The following VEPH1 variants were observed in gnomAD, a reference collection of about 807,000 sequenced individuals.
VEPH1 encodes ventricular zone-expressed PH domain-containing protein homolog 1.
Under a neutral mutation model 85.2 loss-of-function variants are expected in VEPH1, and 80 were observed. The ratio of observed to expected loss-of-function variants is 0.94; its 90% CI spans 0.78 to 1.13. The LOEUF (loss-of-function observed/expected upper bound fraction) is 1.13, where lower values mean the gene tolerates loss of function less well. Ranked by LOEUF, VEPH1 falls within the 50% of genes most tolerant of loss-of-function variation. VEPH1 has a pLI of 0.00. For synonymous variants in VEPH1, 297 were observed against 348.0 expected (o/e 0.85, Z 1.63); for missense variants, 955 against 980.5 (o/e 0.97, Z 0.35).
chr3:157,348,093 AG>A (rs1724442273), intron 9 of VEPH1, among the ~76,000 whole-genome samples: 1 of 152,176 alleles, frequency 6.6e-6, no homozygotes, highest in Non-Finnish European at 1.5e-5. Context: ...CTTGCGTAGC[AG>A]GGAAACCACC....
chr3:157,304,024 T>TATATATATATATATATATATATATAG (rs1719162760), intron 11 of VEPH1, among the ~76,000 whole-genome samples: 1 of 71,318 alleles, frequency 1.4e-5, no homozygotes, highest in African/African-American at 8.2e-5. Context: ...TTATATTTTT[T>TATATATATATATATATATATATATAG]ATATATATAT....
At chr3:157,395,219 T>A (rs1353538591) in intron 6 of VEPH1, among the ~76,000 whole-genome samples, 1 of 152,188 alleles carries the variant, frequency 6.6e-6, no homozygotes, top group Non-Finnish European at 1.5e-5. Context: ...AAGAATTGCA[T>A]GTAGGAAAGG....
intron 9 of VEPH1, among the ~76,000 whole-genome samples, chr3:157,361,207 T>C (rs1433168300): frequency 6.6e-6 from 1 of 152,246 alleles, no homozygotes; most frequent in Non-Finnish European, 1.5e-5. Flanking sequence ...CTAATACTTA[T>C]ATTTGAATAT....
chr3:157,470,893 A>G lies in VEPH1; in HGVS notation c.139-364T>C, dbSNP rs563304544. The stretch of plus-strand genomic sequence containing the variant: ...CTCTGACATTTCAGCAACTTTTGTG[A>G]AATGTTTCAAATTACCCTTCAATTT... On this transcript the variant is annotated intron_variant, in intron 2 of 13. Transcript: ENST00000362010. Among the ~76,000 whole-genome samples the G allele has an allele frequency of 3.9e-5, 6 of 152,308 alleles. No individual in the cohort carries two copies. The South Asian group carries it at 1.2e-3, about 32-fold the overall frequency.
At chr3:157,383,268 T>C (rs1728959198) in intron 6 of VEPH1, among the ~76,000 whole-genome samples, 1 of 152,246 alleles carries the variant, frequency 6.6e-6, no homozygotes, top group Admixed American at 6.5e-5. Context: ...ATGCCCTTGC[T>C]TTTAAAGAAC....
chr3:157,323,572 G>T (rs1273606933), intron 9 of VEPH1, among the ~76,000 whole-genome samples: 2 of 152,160 alleles, frequency 1.3e-5, no homozygotes, highest in East Asian at 3.8e-4. Flanking sequence ...GCATATGTGT[G>T]GGACGTCCCT....
chr3:157,482,898 G>A (rs923328242), intron 2 of VEPH1, among the ~76,000 whole-genome samples: 4 of 152,052 alleles, frequency 2.6e-5, no homozygotes, highest in African/African-American at 9.7e-5. Flanking sequence ...GGTGGTATCT[G>A]CAGTGTTTTC....
At chr3:157,469,624 T>C (rs894852199) in intron 3 of VEPH1, among the ~76,000 whole-genome samples, 2 of 152,238 alleles carry the variant, frequency 1.3e-5, no homozygotes, top group African/African-American at 4.8e-5. Context: ...CCAACTTATT[T>C]CATCACAAAG....
rs1560079351 is a variant in VEPH1 at position 157,460,241 on chromosome 3, T to C, written c.469A>G (p.Ile157Val). The change falls in exon 4 of 14, where the codon ATT becomes GTT. Residue 157 changes from isoleucine to valine, a missense_variant. Ile to Val is a conservative substitution (Grantham distance 29). Transcript: ENST00000362010. ...NMSNYLSLAA[I>V]TKADLLADHT... ...TCAGCCAGGAGATCTGCCTTGGTAA[T>C]TGCAGCCAGAGACAGGTAGTTAGAC... 1.2e-6 allele frequency: 2 copies of C among 1,614,210 alleles called. No homozygotes were observed. Among genetic ancestry groups the C allele is most frequent in the South Asian group, 1.1e-5 (1 of 91,086 alleles).
rs577479720 is a variant in VEPH1, at chr3:157,435,101, G to A, written c.530-6613C>T. On this transcript the variant is annotated intron_variant, in intron 4 of 13. Transcript: ENST00000362010. The stretch of plus-strand genomic sequence containing the variant: ...TTTTTAATTCTAGAAGTTTTATTTG[G>A]TTCTTTAAAAAAAATCACCTAGCCT... Among the ~76,000 whole-genome samples, 486 of 149,122 alleles carry A rather than the reference G, an allele frequency of 3.3e-3. 3 individuals are homozygous for A. Among genetic ancestry groups the A allele is most frequent in the African/African-American group, 0.011 (451 of 40,412 alleles).
intron 6 of VEPH1, among the ~76,000 whole-genome samples, chr3:157,409,067 TTTG>T (rs1029373540): frequency 1.3e-5 from 2 of 152,124 alleles, no homozygotes; most frequent in South Asian, 4.1e-4. Flanking sequence ...CTGCTGTTAC[TTTG>T]TTGTTGTTAG....
chr3:157,301,942 C>A (rs1222256450), intron 11 of VEPH1, among the ~76,000 whole-genome samples: 2 of 152,152 alleles, frequency 1.3e-5, no homozygotes, highest in Admixed American at 6.5e-5. Flanking sequence ...TCCACTGGGA[C>A]ATCTGGCAGG....
At chr3:157,501,446 G>A (rs1740088724) in intron 1 of VEPH1, among the ~76,000 whole-genome samples, 1 of 152,170 alleles carries the variant, frequency 6.6e-6, no homozygotes, top group South Asian at 2.1e-4. Flanking sequence ...GTTTTCCATG[G>A]AAGTGTAGCA....
At chr3:157,338,983 A>G (rs1723239024) in intron 9 of VEPH1, among the ~76,000 whole-genome samples, 1 of 152,200 alleles carries the variant, frequency 6.6e-6, no homozygotes, top group Admixed American at 6.5e-5. Flanking sequence ...CTACAGTGAT[A>G]TTGCAAGGAT....
intron 2 of VEPH1, among the ~76,000 whole-genome samples, chr3:157,480,057 TTTTC>T (rs1212957213): frequency 9.0e-5 from 13 of 144,002 alleles, no homozygotes; most frequent in African/African-American, 2.9e-4. Context: ...TTTCTTTCCT[TTTTC>T]TTTCTTTCCT....
chr3:157,372,359 G>A (rs1727603512), intron 7 of VEPH1, among the ~76,000 whole-genome samples: 1 of 152,214 alleles, frequency 6.6e-6, no homozygotes, highest in African/African-American at 2.4e-5. Flanking sequence ...AAAATTCTGT[G>A]ATTCAATTCC....
chr3:157,405,691 A>G (rs1026085647), intron 6 of VEPH1, among the ~76,000 whole-genome samples: 1 of 152,106 alleles, frequency 6.6e-6, no homozygotes, highest in African/African-American at 2.4e-5. Context: ...ACATAACCCT[A>G]TCATCTTACA....
rs1340729912 is a variant in VEPH1 at position 157,269,644 on chromosome 3, T to TG, written c.2129-3983_2129-3982insC. On this transcript the variant is annotated intron_variant, in intron 12 of 13. Coordinates refer to ENST00000362010, the MANE Select transcript of VEPH1 (RefSeq NM_001167912.2). Reference sequence around the variant, plus strand: ...TGTTTTTTGTTTTTGTTTTTGTTGTTTTTTTTTTTTTTTTTTGCTATTACA... The same window carrying TG: ...TGTTTTTTGTTTTTGTTTTTGTTGTTGTTTTTTTTTTTTTTTTGCTATTACA... Among the ~76,000 whole-genome samples, 351 of 117,252 alleles carry TG rather than the reference T, an allele frequency of 3.0e-3. 2 individuals are homozygous for TG. Among genetic ancestry groups the TG allele is most frequent in the African/African-American group, 0.011 (281 of 24,452 alleles). 76.9% of individuals were successfully genotyped at this position (117,252 alleles called of 152,430 possible).
intron 4 of VEPH1, among the ~76,000 whole-genome samples, chr3:157,438,069 A>ACACACACACACACACC (rs1237245016): frequency 4.0e-5 from 6 of 149,672 alleles, no homozygotes; most frequent in East Asian, 4.0e-4. Flanking sequence ...ACACACACAC[A>ACACACACACACACACC]CACCCCTATT....
Sources: allele counts gnomAD v4.1 joint callset (sites outside exome capture counted in the v4.1 genomes callset), GRCh38; gene constraint gnomAD v4.1.1; transcripts MANE v1.5; gene names NCBI Gene and HGNC (gene_info 2026-07-23, HGNC 2026-07-21).